EPS8: variants seen among roughly 807,000 people sequenced by gnomAD.
EPS8 encodes EGFR pathway substrate 8, signaling adaptor.
A neutral mutation model predicts 103.8 loss-of-function variants in EPS8; 42 were observed. The observed-to-expected ratio is 0.40, with a 90% CI of 0.32 to 0.52. The LOEUF is 0.52. Among genes scored for constraint, EPS8 ranks in the 20% least tolerant of loss-of-function variants. The pLI is 0.40. For synonymous variants in EPS8, 344 were observed against 344.6 expected (o/e 1.00, Z 0.02); for missense variants, 969 against 1,005.1 (o/e 0.96, Z 0.49).
At chr12:15,742,455 CA>C (rs1012987596) in intron 1 of EPS8, among the ~76,000 whole-genome samples, 3 of 152,000 alleles carry the variant, frequency 2.0e-5, no homozygotes, top group Admixed American at 2.0e-4. Flanking sequence ...TGCATTTCAA[CA>C]AAAAAAGAGA....
intron 18 of EPS8, among the ~76,000 whole-genome samples, chr12:15,629,877 G>A (rs1366327896): frequency 5.9e-5 from 9 of 152,084 alleles, no homozygotes; most frequent in Non-Finnish European, 1.2e-4. Flanking sequence ...ATAACTTACT[G>A]ACGTGAGAAA....
intron 12 of EPS8, 104 bp from the exon 13 acceptor site, chr12:15,654,397 AG>A: frequency 9.9e-7 from 1 of 1,009,250 alleles, no homozygotes; most frequent in Non-Finnish European, 1.5e-6. Context: ...ACTTTTTAAT[AG>A]TCATATTAAC....
At position 15,717,395 on chromosome 12, in the gene EPS8, T is replaced by C. The variant is rs1946544012; in HGVS notation, c.-21-34423A>G. ...TGAGGTCAGGAGTTCAAGACCAGCC[T>C]GGGCAACATGGTGAAACCCCATCTC... On this transcript the variant is annotated intron_variant, in intron 1 of 20. Transcript: ENST00000281172. This position sits in a 1 kb window ranked among gnomAD's most constrained non-coding sequence, Gnocchi z 4.3. Among the ~76,000 whole-genome samples the C allele has an allele frequency of 6.6e-6, 1 of 152,148 alleles. No homozygotes were observed. Among genetic ancestry groups the C allele is most frequent in the African/African-American group, 2.4e-5 (1 of 41,432 alleles).
chr12:15,639,491 T>C (rs879342569), intron 17 of EPS8, among the ~76,000 whole-genome samples: 1 of 152,196 alleles, frequency 6.6e-6, no homozygotes, highest in Non-Finnish European at 1.5e-5. Flanking sequence ...ATAAAATAAG[T>C]ACATAATATA....
At chr12:15,631,714 G>C in intron 17 of EPS8, 50 bp from the exon 18 acceptor site, 1 of 1,428,814 alleles carries the variant, frequency 7.0e-7, no homozygotes, top group Non-Finnish European at 9.5e-7. Context: ...ATAAACCTAG[G>C]CTAGGAAAAC....
At chr12:15,709,097 T>C (rs190344852) in intron 1 of EPS8, among the ~76,000 whole-genome samples, 3 of 152,178 alleles carry the variant, frequency 2.0e-5, no homozygotes, top group African/African-American at 7.2e-5. Context: ...CACTGTCATA[T>C]CACTTCATTT....
Position 15,631,620 on chromosome 12 carries a change from A to G in EPS8, c.1866T>C (p.Pro622=), listed in dbSNP as rs1367248918. Residue 622 remains proline (P), a synonymous_variant, in exon 18 of 21, where the codon CCT becomes CCC. Coordinates refer to ENST00000281172, the MANE Select transcript of EPS8 (RefSeq NM_004447.6). ...CTGGTGTTGGAGGAGGTGATGGAGC[A>G]GGGGGAGTATCAGCTGGTCTTGGGC... ...EYGPRPADTP[P]APSPPPTPAP... is the part of the protein sequence containing the mutation. 1 of 1,613,908 alleles carries G rather than the reference A, an allele frequency of 6.2e-7. No homozygotes were observed. The highest frequency in any genetic ancestry group is 8.5e-7 in the Non-Finnish European group (1 of 1,179,960).
chr12:15,641,616 G>A (rs903231444), intron 16 of EPS8, 106 bp downstream of exon 16: 18 of 501,670 alleles, frequency 3.6e-5, no homozygotes, highest in African/African-American at 6.0e-5. Flanking sequence ...AATATACTAC[G>A]TCTTTAGTAA....
In EPS8 at chr12:15,697,871, G is replaced by C. The variant is rs1946262770; in HGVS notation, c.-21-14899C>G. Among the ~76,000 whole-genome samples the C allele has an allele frequency of 6.6e-6, 1 of 152,122 alleles. No individual in the cohort carries two copies. Among genetic ancestry groups the C allele is most frequent in the Non-Finnish European group, 1.5e-5 (1 of 68,010 alleles). ...TAGGATCAATATAAAGGCCAAGATA[G>C]TACCAGAATAAAGACAATGGACACT... On this transcript the variant is annotated intron_variant, in intron 1 of 20. Transcript: ENST00000281172. This position sits in a 1 kb window ranked among gnomAD's most constrained non-coding sequence, Gnocchi z 5.6.
chr12:15,667,800 G>C (rs1404372261), intron 6 of EPS8, among the ~76,000 whole-genome samples: 1 of 152,242 alleles, frequency 6.6e-6, no homozygotes, highest in East Asian at 1.9e-4. Flanking sequence ...TGAAACTAAT[G>C]AGTAAATGCA....
intron 6 of EPS8, among the ~76,000 whole-genome samples, chr12:15,666,857 C>T (rs1945721607): frequency 6.6e-6 from 1 of 152,046 alleles, no homozygotes; most frequent in South Asian, 2.1e-4. Flanking sequence ...TTAGAGGCTC[C>T]CACACATAGA....
intron 18 of EPS8, among the ~76,000 whole-genome samples, chr12:15,628,623 TCA>T (rs1331616493): frequency 1.3e-5 from 2 of 152,212 alleles, no homozygotes; most frequent in Non-Finnish European, 2.9e-5. Flanking sequence ...ACACAAGGCT[TCA>T]CAGTTATTTT....
intron 8 of EPS8, among the ~76,000 whole-genome samples, chr12:15,662,916 G>C (rs1487523695): frequency 6.7e-6 from 1 of 148,594 alleles, no homozygotes; most frequent in Non-Finnish European, 1.5e-5. Context: ...GTTCAATAGA[G>C]AGAACTGCAA....
In EPS8 at chr12:15,640,196, G is replaced by T. The variant is rs756780298; in HGVS notation, c.1821+507C>A. 3.0e-4 allele frequency among the ~76,000 whole-genome samples: 46 copies of T among 152,172 alleles called. 1 individual carries two copies. Among genetic ancestry groups the T allele is most frequent in the Non-Finnish European group, 4.9e-4 (33 of 68,032 alleles). ...CCTTTTAATCTTAAAATCAAGAGAG[G>T]AAAAATATTGTAATCCAGGTGAACA... On this transcript the variant is annotated intron_variant, in intron 17 of 20. Coordinates refer to ENST00000281172, the MANE Select transcript of EPS8 (RefSeq NM_004447.6).
At position 15,721,435 on chromosome 12, in the gene EPS8, T is replaced by C. The variant is rs140629248; in HGVS notation, c.-21-38463A>G. Among the ~76,000 whole-genome samples the C allele has an allele frequency of 2.5e-3, 387 of 152,286 alleles. 3 individuals carry two copies. Among genetic ancestry groups the C allele is most frequent in the African/African-American group, 7.8e-3 (323 of 41,568 alleles). On this transcript the variant is annotated intron_variant, in intron 1 of 20. Transcript: ENST00000281172. This position sits in a 1 kb window ranked among gnomAD's most constrained non-coding sequence, Gnocchi z 4.4. ...AGAAAGCAATACTGGAAAAACTACA[T>C]AATACTCAGCTAAAAGAACGAGGTT...
At chr12:15,705,464 C>T (rs1946373017) in intron 1 of EPS8, among the ~76,000 whole-genome samples, 1 of 151,950 alleles carries the variant, frequency 6.6e-6, no homozygotes, top group African/African-American at 2.4e-5. Flanking sequence ...AAATAACACC[C>T]ACTAGTACTC....
At chr12:15,622,433 A>G (rs567196715) in intron 20 of EPS8, among the ~76,000 whole-genome samples, 5 of 152,178 alleles carry the variant, frequency 3.3e-5, no homozygotes, top group Non-Finnish European at 5.9e-5. Context: ...TATACCTGCT[A>G]GAGATGATTA....
In EPS8 at chr12:15,752,793, T is replaced by C. The variant is rs956582491; in HGVS notation, c.-22+36368A>G. Reference sequence around the variant, plus strand: ...ATTGTAATAACAGTAATAATTGTAATGCCTCTTTATATTTATCAGTCACAT... The same window carrying C: ...ATTGTAATAACAGTAATAATTGTAACGCCTCTTTATATTTATCAGTCACAT... On this transcript the variant is annotated intron_variant, in intron 1 of 20. Coordinates refer to ENST00000281172, the MANE Select transcript of EPS8 (RefSeq NM_004447.6). This position sits in a 1 kb window ranked among gnomAD's most constrained non-coding sequence, Gnocchi z 4.4. 3.3e-5 allele frequency among the ~76,000 whole-genome samples: 5 copies of C among 152,156 alleles called. No individual in the cohort carries two copies. The highest frequency in any genetic ancestry group is 7.3e-5 in the Non-Finnish European group (5 of 68,034).
intron 3 of EPS8, chr12:15,671,586 A>C (rs1945818853): frequency 6.6e-6 from 1 of 152,160 alleles, no homozygotes; most frequent in Admixed American, 6.5e-5. Context: ...AAAAGCAAAA[A>C]GAAACCTTTA....
Sources: gnomAD v4.1 joint callset for allele counts (sites outside exome capture counted in the v4.1 genomes callset) on GRCh38, gnomAD v4.1.1 for gene constraint, Gnocchi (gnomAD v3.1) non-coding constraint, MANE v1.5 for transcripts, NCBI Gene and HGNC (gene_info 2026-07-23, HGNC 2026-07-21) for gene names.